LEMD3: variants seen among roughly 807,000 people sequenced by gnomAD.
LEMD3 encodes inner nuclear membrane protein Man1.
Under a neutral mutation model 95.2 loss-of-function variants are expected in LEMD3, and 33 were observed. That is an observed-to-expected ratio of 0.35 (90% CI 0.26 to 0.46). LEMD3 has a LOEUF of 0.46. Ranked by LOEUF, LEMD3 falls within the 20% of genes least tolerant of loss-of-function variation. The pLI, the probability that LEMD3 is intolerant of heterozygous loss-of-function variation, is 1.00. For synonymous variants in LEMD3, 525 were observed against 474.6 expected, an observed-to-expected ratio of 1.11 and a Z score of -1.38; for missense variants, 1,210 against 1,192.8, an observed-to-expected ratio of 1.01 and a Z score of -0.21.
chr12:65,182,633 A>G (rs1422074368), intron 1 of LEMD3, among the ~76,000 whole-genome samples: 1 of 151,940 alleles, frequency 6.6e-6, no homozygotes, highest in Non-Finnish European at 1.5e-5. Context: ...TTTTGCAGCT[A>G]TATTAAACAG....
At position 65,246,729 on chromosome 12, in the gene LEMD3, A is replaced by G; in HGVS notation, c.*404A>G. 1 of 209,016 alleles carries G rather than the reference A, an allele frequency of 4.8e-6. No homozygotes were observed. The highest frequency in any genetic ancestry group is 9.7e-6 in the Non-Finnish European group (1 of 103,344). The allele number at this position is 209,016 out of a possible 1,614,324, so 12.9% of individuals were successfully genotyped here. A position where few individuals can be genotyped will look rare whatever the true frequency, so the allele number is the denominator to read the frequency against. On this transcript the variant is annotated 3_prime_UTR_variant, in exon 13 of 13. Coordinates refer to ENST00000308330, the MANE Select transcript of LEMD3 (RefSeq NM_014319.5). ...TGAATTTTTGTATACAGTCACCTGC[A>G]TAGTTCCTACAGGCTAATGTGGTAA... is the stretch of plus-strand genomic sequence containing the variant.
At chr12:65,228,939 C>G (rs1178272702) in intron 4 of LEMD3, among the ~76,000 whole-genome samples, 5 of 152,132 alleles carry the variant, frequency 3.3e-5, no homozygotes, top group African/African-American at 1.2e-4. Context: ...TTCCTCCTAC[C>G]TAGTTATAAT....
intron 1 of LEMD3, among the ~76,000 whole-genome samples, chr12:65,193,717 G>A (rs532150089): frequency 1.4e-4 from 19 of 136,220 alleles, no homozygotes; most frequent in South Asian, 6.9e-4. Context: ...CCTGATGGTC[G>A]CCTAACATAA....
chr12:65,246,922 G>A lies in LEMD3; in HGVS notation c.*597G>A. On this transcript the variant is annotated 3_prime_UTR_variant, in exon 13 of 13. Transcript: ENST00000308330. ...GTATATATGTATAAATGCTGGTGGT[G>A]GTGAAAGTAGTCTTGTTTTATGAGG... is the stretch of plus-strand genomic sequence containing the variant. 6.5e-6 allele frequency: 1 copy of A among 153,978 alleles called. No homozygotes were observed. The highest frequency in any genetic ancestry group is 1.5e-5 in the Non-Finnish European group (1 of 68,920). 9.5% of individuals were successfully genotyped at this position (153,978 alleles called of 1,614,324 possible).
chr12:65,245,625 G>C, intron 10 of LEMD3, 44 bp from the exon 11 acceptor site: 2 of 1,332,240 alleles, frequency 1.5e-6, no homozygotes, highest in Non-Finnish European at 1.1e-6. Context: ...AATTTTTACC[G>C]AGTAGGAATA....
chr12:65,240,909 G>GA lies in LEMD3; in HGVS notation c.2134dup (p.Met712AsnfsTer7). On this transcript the variant is annotated frameshift_variant and splice_region_variant, in exon 9 of 13. Transcript: ENST00000308330. LOFTEE classifies it high-confidence loss of function. The stretch of plus-strand genomic sequence containing the variant: ...ATTTGCCATTTTGTTCACATGATAG[G>GA]AAAAAAATGAAGAAAGTCTGGGATA... The GA allele has an allele frequency of 6.2e-7, 1 of 1,613,740 alleles. No individual in the cohort carries two copies. Among genetic ancestry groups the GA allele is most frequent in the East Asian group, 2.2e-5 (1 of 44,860 alleles).
chr12:65,231,121 T>C (rs747091839), intron 4 of LEMD3, among the ~76,000 whole-genome samples: 2 of 152,196 alleles, frequency 1.3e-5, no homozygotes, highest in Non-Finnish European at 2.9e-5. Context: ...TCTTAAAGAA[T>C]TATGTAAAAT....
intron 1 of LEMD3, among the ~76,000 whole-genome samples, chr12:65,182,145 C>CT (rs1454180996): frequency 6.6e-6 from 1 of 152,134 alleles, no homozygotes. Flanking sequence ...CAAGATCTAA[C>CT]TTTAGAGTTC....
At chr12:65,195,853 TACA>T in intron 1 of LEMD3, among the ~76,000 whole-genome samples, 1 of 152,228 alleles carries the variant, frequency 6.6e-6, no homozygotes, top group Middle Eastern at 3.4e-3. Flanking sequence ...AAATTTCCCT[TACA>T]AAACAGTCTA....
intron 8 of LEMD3, 92 bp from the exon 9 acceptor site, chr12:65,240,817 C>T: frequency 9.1e-7 from 1 of 1,102,296 alleles, no homozygotes. Flanking sequence ...GTGGTAAGAA[C>T]AGCTAGAGTT....
At chr12:65,230,770 C>T (rs1870601065) in intron 4 of LEMD3, among the ~76,000 whole-genome samples, 1 of 152,154 alleles carries the variant, frequency 6.6e-6, no homozygotes, top group African/African-American at 2.4e-5. Flanking sequence ...ATTGCTCTGG[C>T]TAGGACTTCT....
intron 1 of LEMD3, among the ~76,000 whole-genome samples, chr12:65,180,654 G>T (rs4762084): frequency 0.99 from 151,270 of 152,236 alleles, 75,165 homozygotes; most frequent in Middle Eastern, 1. Flanking sequence ...TTATACCACT[G>T]AATTTTTCCT....
At chr12:65,211,081 G>A (rs1396736245) in intron 2 of LEMD3, 118 bp downstream of exon 2, 2 of 761,384 alleles carry the variant, frequency 2.6e-6, no homozygotes, top group Non-Finnish European at 4.4e-6. Flanking sequence ...TAAACAATAG[G>A]TTTTATCAAC....
chr12:65,238,038 G>T (rs567418919), intron 4 of LEMD3, among the ~76,000 whole-genome samples: 7 of 152,306 alleles, frequency 4.6e-5, no homozygotes, highest in African/African-American at 1.7e-4. Flanking sequence ...GGAGTCCAAG[G>T]CTGGCGGATC....
At chr12:65,189,022 A>G (rs1163493660) in intron 1 of LEMD3, among the ~76,000 whole-genome samples, 1 of 152,140 alleles carries the variant, frequency 6.6e-6, no homozygotes, top group Non-Finnish European at 1.5e-5. Context: ...ATCAAACCCT[A>G]TATATACTAT....
rs140779708 is a variant in LEMD3, at chr12:65,230,323, T to C, written c.1696-8179T>C. 1.5e-3 allele frequency among the ~76,000 whole-genome samples: 233 copies of C among 152,322 alleles called. 2 individuals are homozygous for C. Among genetic ancestry groups the C allele is most frequent in the Middle Eastern group, 3.4e-3 (1 of 294 alleles). ...CTTTAGAATTGTTTTCTTCTACTTA[T>C]GTGAAGAATGTCAGTGGTATTGTAA... On this transcript the variant is annotated intron_variant, in intron 4 of 12. Transcript: ENST00000308330.
At position 65,193,732 on chromosome 12, in the gene LEMD3, CTGTGTGTGTGTGTGTGTGTG is replaced by C. The variant is rs746675293; in HGVS notation, c.1523-17170_1523-17151del. Among the ~76,000 whole-genome samples, 332 of 129,438 alleles carry C rather than the reference CTGTGTGTGTGTGTGTGTGTG, an allele frequency of 2.6e-3. 2 individuals are homozygous for C. Among genetic ancestry groups the C allele is most frequent in the African/African-American group, 9.1e-3 (298 of 32,864 alleles). The allele number at this position is 129,438 out of a possible 152,430, so 84.9% of individuals were successfully genotyped here. Reference sequence around the variant, plus strand: ...CCTGATGGTCGCCTAACATAACTGGCTGTGTGTGTGTGTGTGTGTGTGTGTGTGTGTGTGTGTGTGTGTTG... The same window carrying C: ...CCTGATGGTCGCCTAACATAACTGGCTGTGTGTGTGTGTGTGTGTGTGTTG... On this transcript the variant is annotated intron_variant, in intron 1 of 12. Transcript: ENST00000308330.
intron 1 of LEMD3, among the ~76,000 whole-genome samples, chr12:65,178,730 G>A (rs1484618350): frequency 2.0e-5 from 3 of 152,090 alleles, no homozygotes; most frequent in Admixed American, 6.6e-5. Flanking sequence ...GAAGTAACTC[G>A]CCCAGGGTCA....
At chr12:65,245,967 T>C in intron 12 of LEMD3, 28 bp downstream of exon 12, 1 of 1,523,516 alleles carries the variant, frequency 6.6e-7, no homozygotes, top group Non-Finnish European at 9.1e-7. Context: ...TACAAACATT[T>C]TGAAAAGATA....
Sources: gnomAD v4.1 joint callset for allele counts (sites outside exome capture counted in the v4.1 genomes callset) on GRCh38, gnomAD v4.1.1 for gene constraint, MANE v1.5 for transcripts, NCBI Gene and HGNC (gene_info 2026-07-23, HGNC 2026-07-21) for gene names.